USP53: variants seen among roughly 807,000 people sequenced by gnomAD.
USP53 encodes the protein ubiquitin carboxyl-terminal hydrolase 53.
USP53 carries 71 observed loss-of-function variants against 94.9 expected under a neutral mutation model. The observed-to-expected ratio is 0.75, with a 90% CI of 0.62 to 0.91. The LOEUF (loss-of-function observed/expected upper bound fraction) is 0.91, where lower values mean the gene tolerates loss of function less well. Among genes scored for constraint, USP53 ranks in the 40% least tolerant of loss-of-function variants. The probability of loss-of-function intolerance (pLI) is 0.00; values close to 1 mark genes in which losing one functional copy is unlikely to be tolerated. For missense variants in USP53, 1,173 were observed against 1,281.0 expected, an observed-to-expected ratio of 0.92 and a Z score of 1.29; for synonymous variants, 375 against 422.7, an observed-to-expected ratio of 0.89 and a Z score of 1.39.
rs944172820 is a variant in USP53 at position 119,280,424 on chromosome 4, T to C, written c.2251+6716T>C. On this transcript the variant is annotated intron_variant, in intron 17 of 18. Coordinates refer to ENST00000692078, the MANE Select transcript of USP53 (RefSeq NM_001371395.1). ...TATATTTGCAAAGAAAAATGTCATA[T>C]TCTGATAGCTTAGAAACTGGCTGTA... 2.0e-5 allele frequency among the ~76,000 whole-genome samples: 3 copies of C among 152,224 alleles called. No individual in the cohort carries two copies. The South Asian group carries it at 6.2e-4, about 31-fold the overall frequency.
At position 119,214,376 on chromosome 4, in the gene USP53, C is replaced by G. The variant is rs2036862; in HGVS notation, c.-789+154C>G. On this transcript the variant is annotated intron_variant, in intron 2 of 18. Transcript: ENST00000692078. ...TATTAAGATTTTTTCATTAATGAAACTGGGAGGTTTGTGTATTTCTTCCTA... is the reference window on the plus strand; with the variant it reads ...TATTAAGATTTTTTCATTAATGAAAGTGGGAGGTTTGTGTATTTCTTCCTA... Among the ~76,000 whole-genome samples the G allele has an allele frequency of 0.22, 33,299 of 151,716 alleles. 3,699 individuals are homozygous for G. The highest frequency in any genetic ancestry group is 0.26 in the African/African-American group (10,609 of 41,398).
chr4:119,292,267 A>G, intron 18 of USP53, 71 bp from the exon 19 acceptor site: 1 of 1,421,886 alleles, frequency 7.0e-7, no homozygotes, highest in Non-Finnish European at 9.3e-7. Context: ...TACAAAACAA[A>G]TGTTTATTTT....
At chr4:119,289,213 T>C (rs1754463676) in intron 17 of USP53, among the ~76,000 whole-genome samples, 1 of 152,194 alleles carries the variant, frequency 6.6e-6, no homozygotes, top group Non-Finnish European at 1.5e-5. Context: ...GCAAATGAAG[T>C]AAATTAATAA....
chr4:119,259,913 T>C lies in USP53; in HGVS notation c.663T>C (p.Tyr221=), dbSNP rs1054678574. The C allele has an allele frequency of 3.1e-6, 5 of 1,608,850 alleles. No individual in the cohort carries two copies. The highest frequency in any genetic ancestry group is 2.2e-5 in the East Asian group (1 of 44,560). ...LLQAANTTDD[Y]RKCPSNCGQK... Reference sequence around the variant, plus strand: ...AAGCAGCAAATACAACAGATGACTATAGGAAATGTCCTGTAAGTATAGTTT... The same window carrying C: ...AAGCAGCAAATACAACAGATGACTACAGGAAATGTCCTGTAAGTATAGTTT... Residue 221 remains tyrosine, a synonymous_variant, in exon 10 of 19, where the codon TAT becomes TAC. Coordinates refer to ENST00000692078, the MANE Select transcript of USP53 (RefSeq NM_001371395.1).
chr4:119,275,757 A>G (rs933874772), intron 17 of USP53, among the ~76,000 whole-genome samples: 442 of 152,120 alleles, frequency 2.9e-3, no homozygotes, highest in African/African-American at 0.01. Flanking sequence ...ATTTGTTTGT[A>G]TCCTCTTTTA....
At chr4:119,248,018 T>C (rs1748479607) in intron 6 of USP53, among the ~76,000 whole-genome samples, 1 of 152,184 alleles carries the variant, frequency 6.6e-6, no homozygotes. Context: ...TGAGCTAACA[T>C]GGGACTGAAT....
chr4:119,225,763 G>GA (rs944273123), intron 3 of USP53, among the ~76,000 whole-genome samples: 10 of 149,236 alleles, frequency 6.7e-5, no homozygotes, highest in East Asian at 2.0e-4. Flanking sequence ...AACAAACAAA[G>GA]AAAAAAAAAT....
intron 3 of USP53, among the ~76,000 whole-genome samples, chr4:119,229,413 C>G (rs984204654): frequency 6.6e-6 from 1 of 152,124 alleles, no homozygotes; most frequent in South Asian, 2.1e-4. Flanking sequence ...CCCAGGATTA[C>G]CTTTTGAATC....
At chr4:119,288,705 C>T (rs566000947) in intron 17 of USP53, among the ~76,000 whole-genome samples, 6 of 152,050 alleles carry the variant, frequency 3.9e-5, no homozygotes, top group African/African-American at 1.2e-4. Flanking sequence ...GGGAGGCCGA[C>T]GCTGGCGGAT....
In USP53 at chr4:119,269,704, C is replaced by T; in HGVS notation, c.1302C>T (p.His434=). The T allele has an allele frequency of 1.4e-6, 2 of 1,456,024 alleles. No individual in the cohort carries two copies. Among genetic ancestry groups the T allele is most frequent in the Admixed American group, 2.6e-5 (1 of 39,078 alleles). The allele number at this position is 1,456,024 out of a possible 1,614,324, so 90.2% of individuals were successfully genotyped here. A position where few individuals can be genotyped will look rare whatever the true frequency, so the allele number is the denominator to read the frequency against. The change falls in exon 15 of 19, where the codon CAC becomes CAT. Residue 434 remains histidine, a synonymous_variant. Coordinates refer to ENST00000692078, the MANE Select transcript of USP53 (RefSeq NM_001371395.1). ...TTTCTTTTACAGCTAAGTTAAGTCA[C>T]ATTGATCAAAGGGAAAAGATAAAAG... ...GVGKGPAKLS[H]IDQREKIKDI...
At chr4:119,233,746 G>A (rs1472337818) in intron 3 of USP53, among the ~76,000 whole-genome samples, 1 of 152,058 alleles carries the variant, frequency 6.6e-6, no homozygotes, top group East Asian at 1.9e-4. Context: ...GGTATTGATT[G>A]TTCATTTGTT....
intron 3 of USP53, among the ~76,000 whole-genome samples, chr4:119,222,775 G>T: frequency 6.6e-6 from 1 of 152,108 alleles, no homozygotes; most frequent in Admixed American, 6.5e-5. Context: ...TGGGAGTATA[G>T]ACATCTCTTT....
chr4:119,242,645 G>A lies in USP53; in HGVS notation c.145-2692G>A, dbSNP rs115370309. ...GCAGTACTCTGCCCTGCCAACTCTA[G>A]CAGCTTTGGGGGATCTGTTGGTCTC... On this transcript the variant is annotated intron_variant, in intron 5 of 18. Transcript: ENST00000692078. 6.8e-3 allele frequency among the ~76,000 whole-genome samples: 1,034 copies of A among 152,246 alleles called. 13 individuals are homozygous for A. The highest frequency in any genetic ancestry group is 0.024 in the African/African-American group (987 of 41,544).
chr4:119,240,829 A>G (rs765740946), intron 5 of USP53, among the ~76,000 whole-genome samples: 32 of 152,196 alleles, frequency 2.1e-4, no homozygotes, highest in Non-Finnish European at 4.1e-4. Context: ...GCGAAAGAGA[A>G]GCAGTTGGTA....
chr4:119,236,877 A>G (rs936354381), intron 4 of USP53, among the ~76,000 whole-genome samples: 3 of 152,068 alleles, frequency 2.0e-5, no homozygotes, highest in Non-Finnish European at 4.4e-5. Context: ...ATTGTTCTTT[A>G]TGGCATCTAG....
chr4:119,290,650 T>C (rs1260107010), intron 17 of USP53, among the ~76,000 whole-genome samples: 3 of 152,192 alleles, frequency 2.0e-5, no homozygotes, highest in Admixed American at 6.5e-5. Flanking sequence ...AATAACCTCC[T>C]ACCAATTTTA....
At chr4:119,238,625 C>T (rs1747111539) in intron 4 of USP53, among the ~76,000 whole-genome samples, 1 of 152,174 alleles carries the variant, frequency 6.6e-6, no homozygotes. Context: ...GGTTGACACA[C>T]ACCTTCAGTT....
chr4:119,265,583 A>G (rs1045108656), intron 12 of USP53, among the ~76,000 whole-genome samples: 1 of 152,098 alleles, frequency 6.6e-6, no homozygotes, highest in Non-Finnish European at 1.5e-5. Flanking sequence ...AGTCATGAGA[A>G]TCCCCTGAAC....
chr4:119,283,447 T>C (rs1190453216), intron 17 of USP53, among the ~76,000 whole-genome samples: 2 of 151,926 alleles, frequency 1.3e-5, no homozygotes, highest in Non-Finnish European at 2.9e-5. Flanking sequence ...AAAAATGGTA[T>C]ACTGTAATTT....
Sources: allele counts gnomAD v4.1 joint callset (sites outside exome capture counted in the v4.1 genomes callset), GRCh38; gene constraint gnomAD v4.1.1; transcripts MANE v1.5; gene names NCBI Gene and HGNC (gene_info 2026-07-23, HGNC 2026-07-21).